SRFBP1: variants seen among roughly 807,000 people sequenced by gnomAD.
The protein encoded by SRFBP1 is serum response factor-binding protein 1.
Under a neutral mutation model 45.5 loss-of-function variants are expected in SRFBP1, and 47 were observed. The observed-to-expected ratio is 1.03, with a 90% confidence interval of 0.82 to 1.32. SRFBP1 has a LOEUF of 1.32. SRFBP1 is among the 40% of genes most tolerant of loss of function. SRFBP1 has a pLI of 0.00. For missense variants in SRFBP1, 621 were observed against 484.6 expected (o/e 1.28, Z -2.64); for synonymous variants, 203 against 166.3 (o/e 1.22, Z -1.70).
intron 2 of SRFBP1, among the ~76,000 whole-genome samples, chr5:122,050,561 ATTTGTTTG>A (rs935758374): frequency 6.6e-6 from 1 of 151,334 alleles, no homozygotes; most frequent in Non-Finnish European, 1.5e-5. Context: ...GTTGGGTTTT[ATTTGTTTG>A]TTTGTTTGTA....
intron 4 of SRFBP1, among the ~76,000 whole-genome samples, chr5:121,997,895 G>T (rs1561585441): frequency 6.7e-6 from 1 of 149,342 alleles, no homozygotes; most frequent in African/African-American, 2.5e-5. Context: ...CATTTATGCA[G>T]CCAAAAAACA....
intron 7 of SRFBP1, among the ~76,000 whole-genome samples, chr5:122,024,010 C>A (rs1561596126): frequency 6.6e-6 from 1 of 152,196 alleles, no homozygotes; most frequent in Non-Finnish European, 1.5e-5. Context: ...CTTATCTCTG[C>A]TCTAGGGCTG....
chr5:122,001,315 G>A (rs1050549360), intron 4 of SRFBP1, among the ~76,000 whole-genome samples: 8 of 150,628 alleles, frequency 5.3e-5, no homozygotes, highest in African/African-American at 1.5e-4. Context: ...TCATTCAGTC[G>A]ATGTTTATGT....
At chr5:121,971,908 A>G (rs1421031280) in intron 1 of SRFBP1, among the ~76,000 whole-genome samples, 1 of 151,994 alleles carries the variant, frequency 6.6e-6, no homozygotes, top group Non-Finnish European at 1.5e-5. Flanking sequence ...CCTTAGTGAC[A>G]TCTTTTAGTA....
chr5:122,056,399 A>G (rs1754078142), intron 2 of SRFBP1, among the ~76,000 whole-genome samples: 1 of 152,228 alleles, frequency 6.6e-6, no homozygotes, highest in Non-Finnish European at 1.5e-5. Flanking sequence ...TGCAAGTAGA[A>G]TTTTATGGTT....
intron 3 of SRFBP1, among the ~76,000 whole-genome samples, chr5:121,983,568 TTTAA>T (rs1385955235): frequency 6.6e-6 from 1 of 151,772 alleles, no homozygotes; most frequent in African/African-American, 2.4e-5. Flanking sequence ...AATGTTTATG[TTTAA>T]TTAATATTTT....
rs757772684 is a variant in SRFBP1, at chr5:121,961,997, G to T, written c.-36G>T. The T allele has an allele frequency of 3.7e-6, 6 of 1,613,474 alleles. No individual in the cohort carries two copies. Among genetic ancestry groups the T allele is most frequent in the Non-Finnish European group, 5.1e-6 (6 of 1,179,934 alleles). ...GCCGCGGTCTGAGAGACCGGTTCAC[G>T]TGCAGGCAGCGGCGGATCATATTCC... On this transcript the variant is annotated 5_prime_UTR_variant, in exon 1 of 8. Coordinates refer to ENST00000339397, the MANE Select transcript of SRFBP1 (RefSeq NM_152546.3).
At chr5:122,015,497 C>T (rs1182551906) in intron 4 of SRFBP1, among the ~76,000 whole-genome samples, 2 of 152,198 alleles carry the variant, frequency 1.3e-5, no homozygotes, top group Non-Finnish European at 2.9e-5. Context: ...CTGTAAAGGA[C>T]CTGAAATGAA....
chr5:122,064,882 T>A (rs1256646726), intron 2 of SRFBP1: 1 of 152,028 alleles, frequency 6.6e-6, no homozygotes, highest in African/African-American at 2.4e-5. Context: ...AGCTTAAGAA[T>A]CAATAAAATG....
intron 4 of SRFBP1, among the ~76,000 whole-genome samples, chr5:122,010,689 ATG>A (rs148931233): frequency 0.038 from 5,814 of 151,874 alleles, 321 homozygotes; most frequent in African/African-American, 0.12. Context: ...GTATGTATGT[ATG>A]TGTGTGTGTA....
intron 4 of SRFBP1, among the ~76,000 whole-genome samples, chr5:122,007,136 T>C (rs1246335710): frequency 6.6e-6 from 1 of 152,054 alleles, no homozygotes; most frequent in East Asian, 1.9e-4. Context: ...GCTGCTGGAA[T>C]CTTTGGGCAT....
intron 2 of SRFBP1, among the ~76,000 whole-genome samples, chr5:122,059,198 A>G (rs141662248): frequency 1.1e-4 from 16 of 152,268 alleles, no homozygotes; most frequent in African/African-American, 2.6e-4. Context: ...CTCACTCCTG[A>G]CAAGCCTTCT....
At chr5:122,051,343 T>A (rs111689049) in intron 2 of SRFBP1, among the ~76,000 whole-genome samples, 5,033 of 152,174 alleles carry the variant, frequency 0.033, 299 homozygotes, top group African/African-American at 0.11. Context: ...TGTCTAATAC[T>A]GTCAGTGGAG....
intron 7 of SRFBP1, among the ~76,000 whole-genome samples, chr5:122,025,553 G>A (rs1161399315): frequency 1.3e-5 from 2 of 152,108 alleles, no homozygotes; most frequent in Admixed American, 6.5e-5. Context: ...TTCCACAATG[G>A]TTGAACTAGT....
At chr5:122,070,688 TACA>T in intron 2 of SRFBP1, 3 of 619,076 alleles carry the variant, frequency 4.8e-6, no homozygotes, top group Non-Finnish European at 8.6e-6. Flanking sequence ...AGTTAGTACT[TACA>T]AGAGTCTGAC....
chr5:122,051,153 G>A (rs1339505408), intron 2 of SRFBP1, among the ~76,000 whole-genome samples: 3 of 152,122 alleles, frequency 2.0e-5, no homozygotes, highest in Non-Finnish European at 4.4e-5. Flanking sequence ...AATTTGCTGA[G>A]TATTGTGTTT....
At position 122,020,752 on chromosome 5, in the gene SRFBP1, G is replaced by C; in HGVS notation, c.1017G>C (p.Lys339Asn). The stretch of plus-strand genomic sequence containing the variant: ...TCAAGCCAAGTACAGAAACCAGAAA[G>C]TTAGAATCAGTGTTTTTCCACTCTT... ...DKIKPSTETR[K>N]LESVFFHSLS... The change falls in exon 6 of 8, where the codon AAG (lysine) becomes AAC (asparagine). Residue 339 changes from lysine (K) to asparagine (N), a missense_variant. Transcript: ENST00000339397. 6.2e-7 allele frequency: 1 copy of C among 1,601,246 alleles called. No homozygotes were observed. The highest frequency in any genetic ancestry group is 8.5e-7 in the Non-Finnish European group (1 of 1,176,378).
intron 7 of SRFBP1, among the ~76,000 whole-genome samples, chr5:122,024,566 T>C (rs1753433745): frequency 1.3e-5 from 2 of 152,196 alleles, no homozygotes; most frequent in Admixed American, 6.6e-5. Flanking sequence ...GAGGTTTTTA[T>C]GGTCCAGGCC....
At chr5:122,074,798 G>A (rs1201818690) in intron 2 of SRFBP1, among the ~76,000 whole-genome samples, 2 of 152,186 alleles carry the variant, frequency 1.3e-5, no homozygotes, top group Non-Finnish European at 2.9e-5. Context: ...AAAAAACAAT[G>A]AGGACTGGCT....
Sources: gnomAD v4.1 joint callset for allele counts (sites outside exome capture counted in the v4.1 genomes callset) on GRCh38, gnomAD v4.1.1 for gene constraint, MANE v1.5 for transcripts, NCBI Gene and HGNC (gene_info 2026-07-23, HGNC 2026-07-21) for gene names.